The following LAMA2 variants were observed in gnomAD, a reference collection of about 807,000 sequenced individuals.
LAMA2 encodes laminin subunit alpha-2.
LAMA2 carries 269 observed loss-of-function variants against 364.8 expected under a neutral mutation model. The observed-to-expected ratio is 0.74, with a 90% CI of 0.67 to 0.82. LAMA2 has a LOEUF of 0.82. LAMA2 is among the 40% of genes least tolerant of loss of function. The pLI is 0.00. For synonymous variants in LAMA2, 1,379 were observed against 1,370.6 expected, an observed-to-expected ratio of 1.01 and a Z score of -0.14; for missense variants, 3,807 against 3,873.2, an observed-to-expected ratio of 0.98 and a Z score of 0.45.
At chr6:129,348,041 T>C (rs1776651567) in intron 30 of LAMA2, among the ~76,000 whole-genome samples, 2 of 152,236 alleles carry the variant, frequency 1.3e-5, no homozygotes, top group South Asian at 4.1e-4. Flanking sequence ...TGTGTGTGTG[T>C]TCGCGTATGC....
At position 129,223,495 on chromosome 6, in the gene LAMA2, A is replaced by T. The variant is rs184971393; in HGVS notation, c.1783-26617A>T. Among the ~76,000 whole-genome samples the T allele has an allele frequency of 8.3e-4, 127 of 152,268 alleles. 2 individuals carry two copies. The highest frequency in any genetic ancestry group is 8.1e-3 in the Admixed American group (124 of 15,300). On this transcript the variant is annotated intron_variant, in intron 12 of 64. Transcript: ENST00000421865. ...TTTTATGTCTAACATTTAAGTCTTT[A>T]ATCCATCTTGAATTAATTTTTGTAT...
chr6:129,284,257 T>G (rs1788939846), intron 18 of LAMA2, among the ~76,000 whole-genome samples: 1 of 152,038 alleles, frequency 6.6e-6, no homozygotes, highest in South Asian at 2.1e-4. Flanking sequence ...TCCCTCTGCC[T>G]GGAAGATTGC....
At chr6:129,035,317 G>C (rs1247698590) in intron 1 of LAMA2, among the ~76,000 whole-genome samples, 2 of 136,410 alleles carry the variant, frequency 1.5e-5, no homozygotes. Context: ...TTTTTTTTTA[G>C]AAGTGTCTGT....
chr6:129,239,890 G>A (rs1156690620), intron 12 of LAMA2, among the ~76,000 whole-genome samples: 3 of 152,096 alleles, frequency 2.0e-5, no homozygotes, highest in African/African-American at 7.2e-5. Flanking sequence ...TATATATGAA[G>A]GGGAGTTTGT....
intron 1 of LAMA2, among the ~76,000 whole-genome samples, chr6:128,898,327 C>T (rs942272902): frequency 4.6e-5 from 7 of 152,158 alleles, no homozygotes; most frequent in African/African-American, 1.4e-4. Flanking sequence ...TCCTTCACAG[C>T]GAACATTTGC....
intron 29 of LAMA2, among the ~76,000 whole-genome samples, chr6:129,341,878 T>C (rs908578336): frequency 1.3e-5 from 2 of 152,252 alleles, no homozygotes; most frequent in Admixed American, 1.3e-4. Context: ...ACATCTATGC[T>C]TTCCACCTTG....
intron 20 of LAMA2, among the ~76,000 whole-genome samples, chr6:129,296,672 T>G (rs768546608): frequency 3.9e-5 from 6 of 152,072 alleles, no homozygotes; most frequent in Non-Finnish European, 5.9e-5. Flanking sequence ...AGATTTTTTT[T>G]TACCAAGAAG....
At chr6:128,906,993 A>G (rs1298447751) in intron 1 of LAMA2, among the ~76,000 whole-genome samples, 1 of 150,782 alleles carries the variant, frequency 6.6e-6, no homozygotes, top group African/African-American at 2.4e-5. Flanking sequence ...CCATTGATCT[A>G]TATCTCTGTT....
chr6:129,162,257 A>G (rs889087418), intron 8 of LAMA2, among the ~76,000 whole-genome samples: 1 of 152,170 alleles, frequency 6.6e-6, no homozygotes, highest in African/African-American at 2.4e-5. Context: ...CTTTTGGACT[A>G]TTGTTTTCAT....
In LAMA2 at chr6:129,250,227, A is replaced by G. The variant is rs1324288801; in HGVS notation, c.1884+14A>G. On this transcript the variant is annotated intron_variant, in intron 13 of 64. Coordinates refer to ENST00000421865, the MANE Select transcript of LAMA2 (RefSeq NM_000426.4). ...ATTATCTTAGAGGTAGAGTACTGAG[A>G]GCATGTTCACCCGTGTTACTTCCTG... 1.4e-6 allele frequency: 2 copies of G among 1,443,256 alleles called. No individual in the cohort carries two copies. Among genetic ancestry groups the G allele is most frequent in the Non-Finnish European group, 1.9e-6 (2 of 1,026,268 alleles). 89.4% of individuals were successfully genotyped at this position (1,443,256 alleles called of 1,614,324 possible). A position where few individuals can be genotyped will look rare whatever the true frequency, so the allele number is the denominator to read the frequency against.
chr6:129,426,477 T>C (rs1001983193), intron 40 of LAMA2, among the ~76,000 whole-genome samples: 31 of 152,056 alleles, frequency 2.0e-4, no homozygotes, highest in African/African-American at 6.0e-4. Flanking sequence ...TTTTTTTTTT[T>C]CCAAGATGAA....
intron 1 of LAMA2, among the ~76,000 whole-genome samples, chr6:128,941,771 A>G (rs1448531013): frequency 2.6e-5 from 4 of 152,206 alleles, no homozygotes; most frequent in Non-Finnish European, 5.9e-5. Context: ...CACGTGATCC[A>G]AAGTAATTTC....
chr6:129,479,775 T>G (rs1784261957), intron 54 of LAMA2: 1 of 152,196 alleles, frequency 6.6e-6, no homozygotes. Context: ...TGATGAGGTT[T>G]AAAGACTGGA....
At chr6:129,137,987 A>G (rs1171096103) in intron 4 of LAMA2, among the ~76,000 whole-genome samples, 1 of 152,038 alleles carries the variant, frequency 6.6e-6, no homozygotes, top group Non-Finnish European at 1.5e-5. Context: ...GGGAGGATGG[A>G]ATTGGCAACA....
intron 1 of LAMA2, among the ~76,000 whole-genome samples, chr6:129,040,921 G>T (rs1469413855): frequency 1.3e-5 from 2 of 152,202 alleles, no homozygotes; most frequent in African/African-American, 4.8e-5. Flanking sequence ...GAGCTAGATG[G>T]CATAAGACTC....
intron 4 of LAMA2, among the ~76,000 whole-genome samples, chr6:129,106,458 T>C (rs1376871425): frequency 6.6e-6 from 1 of 152,220 alleles, no homozygotes; most frequent in East Asian, 1.9e-4. Context: ...CCCTTGCAAT[T>C]GTTCCTTTAG....
At chr6:129,503,582 A>T (rs1415336662) in intron 60 of LAMA2, among the ~76,000 whole-genome samples, 1 of 152,232 alleles carries the variant, frequency 6.6e-6, no homozygotes, top group Non-Finnish European at 1.5e-5. Context: ...GCTCTAAGTG[A>T]GAAACGTAGA....
chr6:129,013,280 A>C (rs1488479732), intron 1 of LAMA2, among the ~76,000 whole-genome samples: 2 of 151,662 alleles, frequency 1.3e-5, no homozygotes, highest in African/African-American at 4.8e-5. Flanking sequence ...CTAAAAATCC[A>C]AAAAAAATTA....
intron 9 of LAMA2, among the ~76,000 whole-genome samples, chr6:129,172,407 G>A (rs1483770511): frequency 6.6e-6 from 1 of 152,204 alleles, no homozygotes; most frequent in Non-Finnish European, 1.5e-5. Context: ...AGGAACCTCA[G>A]CTGCAGGTCT....
Sources: gnomAD v4.1 joint callset for allele counts (sites outside exome capture counted in the v4.1 genomes callset) on GRCh38, gnomAD v4.1.1 for gene constraint, MANE v1.5 for transcripts, NCBI Gene and HGNC (gene_info 2026-07-23, HGNC 2026-07-21) for gene names.